Variants in EEF2K observed in about 807,000 individuals in gnomAD.
EEF2K encodes the protein alternative protein EEF2K.
Under a neutral mutation model 93.8 loss-of-function variants are expected in EEF2K, and 70 were observed. The observed-to-expected ratio is 0.75, with a 90% CI of 0.62 to 0.91. EEF2K has a LOEUF of 0.91. Among genes scored for constraint, EEF2K ranks in the 40% least tolerant of loss-of-function variants. The pLI is 0.00. For synonymous variants in EEF2K, 376 were observed against 380.8 expected (o/e 0.99, Z 0.15); for missense variants, 935 against 972.9 (o/e 0.96, Z 0.52).
intron 2 of EEF2K, among the ~76,000 whole-genome samples, chr16:22,236,335 A>G (rs1386138440): frequency 2.2e-5 from 3 of 134,072 alleles, no homozygotes; most frequent in Non-Finnish European, 4.7e-5. Context: ...TCTGAGTTGT[A>G]TTTCTTTTTT....
intron 16 of EEF2K, among the ~76,000 whole-genome samples, chr16:22,279,779 G>A (rs1182912680): frequency 2.0e-5 from 3 of 152,100 alleles, no homozygotes; most frequent in African/African-American, 4.8e-5. Context: ...TGGATCACTC[G>A]AGGTTAGGGG....
chr16:22,260,424 G>C, intron 10 of EEF2K, 38 bp from the exon 11 acceptor site: 1 of 1,611,534 alleles, frequency 6.2e-7, no homozygotes, highest in Non-Finnish European at 8.5e-7. Context: ...TGTTCCAGTA[G>C]TGGAACCAGG....
At chr16:22,210,329 CT>C (rs1327057285) in intron 1 of EEF2K, among the ~76,000 whole-genome samples, 1 of 152,172 alleles carries the variant, frequency 6.6e-6, no homozygotes, top group African/African-American at 2.4e-5. Flanking sequence ...GGTGGCTAAA[CT>C]GCGGAAAATT....
chr16:22,248,757 A>G lies in EEF2K; in HGVS notation c.350A>G (p.Tyr117Cys). 1.2e-6 allele frequency: 2 copies of G among 1,613,934 alleles called. No homozygotes were observed. The highest frequency in any genetic ancestry group is 8.5e-7 in the Non-Finnish European group (1 of 1,179,912). ...CCATGGTGGATGGGTCTCTGCAGGT[A>G]CAACGCCGTCACCGGGGAATGGCTG... ...IATERATRHR[Y>C]NAVTGEWLDD... Residue 117 changes from tyrosine (Y) to cysteine (C), a missense_variant and splice_region_variant, in exon 4 of 18, where the codon TAC becomes TGC. Coordinates refer to ENST00000263026, the MANE Select transcript of EEF2K (RefSeq NM_013302.5).
At chr16:22,215,319 C>T (rs1170909669) in intron 1 of EEF2K, among the ~76,000 whole-genome samples, 1 of 152,164 alleles carries the variant, frequency 6.6e-6, no homozygotes, top group Non-Finnish European at 1.5e-5. Context: ...TCCCTGCCTC[C>T]AGACCCTATT....
chr16:22,241,969 C>A (rs2047227885), intron 2 of EEF2K, among the ~76,000 whole-genome samples: 1 of 151,174 alleles, frequency 6.6e-6, no homozygotes, highest in Non-Finnish European at 1.5e-5. Flanking sequence ...CCGGTCTCTG[C>A]AAAATAAAAA....
chr16:22,230,217 T>G (rs1038216337), intron 2 of EEF2K, among the ~76,000 whole-genome samples: 3 of 151,880 alleles, frequency 2.0e-5, no homozygotes, highest in Non-Finnish European at 4.4e-5. Context: ...GTTTCTTTCC[T>G]TCTTTTTTTT....
intron 1 of EEF2K, among the ~76,000 whole-genome samples, chr16:22,225,014 T>C (rs1204381561): frequency 6.6e-6 from 1 of 151,208 alleles, no homozygotes; most frequent in Non-Finnish European, 1.5e-5. Context: ...AAGGGAGTGA[T>C]TGGATATGCA....
chr16:22,258,894 G>A, intron 10 of EEF2K, 199 bp downstream of exon 10: 1 of 586,248 alleles, frequency 1.7e-6, no homozygotes, highest in Non-Finnish European at 2.8e-6. Context: ...CCCTATTGTA[G>A]GAAACAAAGT....
At chr16:22,243,799 T>C (rs1200446960) in intron 2 of EEF2K, among the ~76,000 whole-genome samples, 1 of 150,778 alleles carries the variant, frequency 6.6e-6, no homozygotes, top group Non-Finnish European at 1.5e-5. Flanking sequence ...GGTGTGCACC[T>C]GTAGGTCCAG....
chr16:22,272,688 C>T (rs1453537387), intron 15 of EEF2K, among the ~76,000 whole-genome samples: 2 of 148,296 alleles, frequency 1.3e-5, no homozygotes, highest in East Asian at 2.0e-4. Context: ...TTTTTTGAGA[C>T]GGTGTCTCTG....
chr16:22,217,196 G>A (rs1253136609), intron 1 of EEF2K, among the ~76,000 whole-genome samples: 11 of 144,134 alleles, frequency 7.6e-5, no homozygotes, highest in South Asian at 6.7e-4. Context: ...ATCAGGAAGC[G>A]TATTATTTAG....
At chr16:22,229,632 C>T (rs1392711152) in intron 2 of EEF2K, among the ~76,000 whole-genome samples, 2 of 152,098 alleles carry the variant, frequency 1.3e-5, no homozygotes, top group Non-Finnish European at 2.9e-5. Flanking sequence ...ACCCAGGAGG[C>T]GGAGGTTGCA....
chr16:22,251,030 T>A, intron 5 of EEF2K, 121 bp from the exon 6 acceptor site: 1 of 1,248,430 alleles, frequency 8.0e-7, no homozygotes, highest in Non-Finnish European at 1.1e-6. Context: ...CTCCTGCATT[T>A]TGTTCCTGCT....
intron 1 of EEF2K, among the ~76,000 whole-genome samples, chr16:22,207,350 C>T (rs1301568706): frequency 6.6e-6 from 1 of 152,040 alleles, no homozygotes; most frequent in Non-Finnish European, 1.5e-5. Context: ...CCCAGGGGGA[C>T]GGTCCCAGGG....
At chr16:22,283,839 AAAC>A (rs1338509950) in intron 17 of EEF2K, 45 bp from the exon 18 acceptor site, 8 of 1,546,262 alleles carry the variant, frequency 5.2e-6, no homozygotes, top group Non-Finnish European at 7.0e-6. Flanking sequence ...GGGCTGGCAA[AAAC>A]AACAGGTGGT....
chr16:22,283,935 G>A lies in EEF2K; in HGVS notation c.2117G>A (p.Gly706Asp). Residue 706 changes from glycine to aspartate, a missense_variant, in exon 18 of 18, where the codon GGC (glycine) becomes GAC (aspartate). By Grantham distance (94) the Gly-to-Asp change is moderately conservative. Transcript: ENST00000263026. The stretch of plus-strand genomic sequence containing the variant: ...GAGGCAGCGATGGAAGCCATGAAGG[G>A]CCGACTGGCCAACCAGTACTACCAA... ...AAEAAMEAMK[G>D]RLANQYYQKA... The A allele has an allele frequency of 6.2e-7, 1 of 1,600,352 alleles. No individual in the cohort carries two copies. Among genetic ancestry groups the A allele is most frequent in the Non-Finnish European group, 8.5e-7 (1 of 1,173,714 alleles).
chr16:22,213,444 C>A (rs2046933687), intron 1 of EEF2K, among the ~76,000 whole-genome samples: 1 of 152,168 alleles, frequency 6.6e-6, no homozygotes, highest in Non-Finnish European at 1.5e-5. Context: ...TAGTTGCACC[C>A]CTAGAGTTTC....
At chr16:22,279,233 C>A (rs1252153351) in intron 16 of EEF2K, among the ~76,000 whole-genome samples, 1 of 139,816 alleles carries the variant, frequency 7.2e-6, no homozygotes, top group Non-Finnish European at 1.5e-5. Flanking sequence ...CAACTTGACT[C>A]CTCTTTTTTT....
Sources: gnomAD v4.1 joint callset for allele counts (sites outside exome capture counted in the v4.1 genomes callset) on GRCh38, gnomAD v4.1.1 for gene constraint, MANE v1.5 for transcripts, NCBI Gene and HGNC (gene_info 2026-07-23, HGNC 2026-07-21) for gene names.